TRAK1: variants seen among roughly 807,000 people sequenced by gnomAD.
The protein encoded by TRAK1 is trafficking kinesin-binding protein 1.
A neutral mutation model predicts 92.1 loss-of-function variants in TRAK1; 33 were observed. The observed-to-expected ratio is 0.36, with a 90% confidence interval of 0.27 to 0.48. The LOEUF (loss-of-function observed/expected upper bound fraction) is 0.48. Ranked by LOEUF, TRAK1 falls within the 20% of genes least tolerant of loss-of-function variation. The pLI is 0.99. For synonymous variants in TRAK1, 521 were observed against 517.3 expected, an observed-to-expected ratio of 1.01 and a Z score of -0.10; for missense variants, 1,123 against 1,257.9, an observed-to-expected ratio of 0.89 and a Z score of 1.62.
At chr3:42,090,350 T>A (rs1447970644), upstream of TRAK1, among the ~76,000 whole-genome samples, 4 of 152,250 alleles carry the variant, frequency 2.6e-5, no homozygotes, top group Non-Finnish European at 5.9e-5. Context: ...TCACTTTCTT[T>A]GAATGTGACA....
chr3:42,214,380 G>A (rs2149523216), intron 14 of TRAK1, among the ~76,000 whole-genome samples: 1 of 152,336 alleles, frequency 6.6e-6, no homozygotes, highest in East Asian at 1.9e-4. Context: ...CCCTTCACCT[G>A]TTGGTGTCTG....
chr3:42,222,900 C>T (rs35387790), intron 15 of TRAK1, 42 bp from the exon 16 acceptor site: 19,345 of 1,581,178 alleles, frequency 0.012, 743 homozygotes, highest in East Asian at 0.094. Context: ...CTCTGGAGCT[C>T]ATGGGCATTT....
At chr3:42,019,601 G>T (rs983291914) in intron 1 of TRAK1, among the ~76,000 whole-genome samples, 1 of 152,074 alleles carries the variant, frequency 6.6e-6, no homozygotes, top group Admixed American at 6.6e-5. Flanking sequence ...CGTGTGCTGT[G>T]GGTCTGGATT....
At chr3:42,098,113 T>C (rs1706212166) in intron 1 of TRAK1, among the ~76,000 whole-genome samples, 1 of 151,786 alleles carries the variant, frequency 6.6e-6, no homozygotes. Context: ...CACCCTGATA[T>C]CTGTCCTTCC....
intron 1 of TRAK1, among the ~76,000 whole-genome samples, chr3:42,104,862 A>C (rs967861595): frequency 3.3e-5 from 5 of 152,108 alleles, no homozygotes. Context: ...TGACGAGTTG[A>C]GAGAAGAGGG....
rs374531723 is a variant in TRAK1 at position 42,176,185 on chromosome 3, C to CTGTG, written c.287-616_287-613dup. Among the ~76,000 whole-genome samples the CTGTG allele has an allele frequency of 8.6e-5, 13 of 151,262 alleles. No homozygotes were observed. In the East Asian group the frequency reaches 2.3e-3, roughly 27 times the overall value. ...ATTGTACATGTAATGAAATATTACT[C>CTGTG]TGTGTGTGTGTGTGTGCAATCATAG... is the stretch of plus-strand genomic sequence containing the variant. On this transcript the variant is annotated intron_variant, in intron 2 of 15. Transcript: ENST00000327628.
upstream of TRAK1, among the ~76,000 whole-genome samples, chr3:42,013,516 G>A (rs1258590289): frequency 1.3e-5 from 2 of 151,570 alleles, no homozygotes; most frequent in African/African-American, 4.8e-5. This position sits in a 1 kb window ranked among gnomAD's most constrained non-coding sequence, Gnocchi z 5.1. Flanking sequence ...ACTAGGACGT[G>A]GCCGGCGGGC....
At chr3:42,069,140 A>G (rs960114593) in intron 1 of TRAK1, among the ~76,000 whole-genome samples, 2 of 152,034 alleles carry the variant, frequency 1.3e-5, no homozygotes, top group Non-Finnish European at 2.9e-5. Flanking sequence ...AGTTTGAACA[A>G]CATAGTGAGA....
At position 42,111,086 on chromosome 3, in the gene TRAK1, G is replaced by C. The variant is rs1387212735; in HGVS notation, c.92-14334G>C. Among the ~76,000 whole-genome samples, 6 of 152,274 alleles carry C rather than the reference G, an allele frequency of 3.9e-5. 1 individual carries two copies. Among genetic ancestry groups the C allele is most frequent in the African/African-American group, 1.4e-4 (6 of 41,546 alleles). ...TAGGGAGGTGGCCCTGAAGAAGTCA[G>C]TCCATCTGGGATCAGAGGGCAAAGG... On this transcript the variant is annotated intron_variant, in intron 1 of 15. Transcript: ENST00000327628.
chr3:42,117,932 G>T (rs555503635), intron 1 of TRAK1, among the ~76,000 whole-genome samples: 1 of 151,870 alleles, frequency 6.6e-6, no homozygotes, highest in Non-Finnish European at 1.5e-5. Flanking sequence ...CGATTCTCCC[G>T]CCTCAGCCTC....
intron 1 of TRAK1, among the ~76,000 whole-genome samples, chr3:42,044,530 A>AG (rs1702682016): frequency 1.3e-5 from 2 of 152,328 alleles, no homozygotes; most frequent in South Asian, 4.1e-4. Flanking sequence ...TCTGTTTAAG[A>AG]GGGCAACTTT....
chr3:42,210,257 A>T, intron 14 of TRAK1: 2 of 1,523,652 alleles, frequency 1.3e-6, no homozygotes, highest in Non-Finnish European at 1.8e-6. Context: ...TGTGTGGGTG[A>T]TGATTAAAGC....
At chr3:42,133,815 A>G (rs1438547040) in intron 2 of TRAK1, among the ~76,000 whole-genome samples, 8 of 152,202 alleles carry the variant, frequency 5.3e-5, no homozygotes, top group Non-Finnish European at 1.2e-4. Flanking sequence ...AATTTTTCAA[A>G]TATATTACAA....
rs1701408129 is a variant in TRAK1, at chr3:42,013,968, G to A, written c.-668G>A. 6.6e-6 allele frequency: 1 copy of A among 150,728 alleles called. No homozygotes were observed. Among genetic ancestry groups the A allele is most frequent in the South Asian group, 2.1e-4 (1 of 4,830 alleles). 9.3% of individuals were successfully genotyped at this position (150,728 alleles called of 1,614,324 possible). A position where few individuals can be genotyped will look rare whatever the true frequency, so the allele number is the denominator to read the frequency against. On this transcript the variant is annotated 5_prime_UTR_variant, in exon 1 of 17. Coordinates refer to the TRAK1 transcript ENST00000487159. The surrounding 1 kb of genome is among the most constrained non-coding windows in gnomAD (Gnocchi z 5.1). ...CGGCGCCAGAGCGGAGCCCCCGCGA[G>A]TGCCCCCGTGCCGCCCGGCCGGCTG...
At chr3:42,181,179 C>T (rs1301376689) in intron 3 of TRAK1, among the ~76,000 whole-genome samples, 1 of 152,236 alleles carries the variant, frequency 6.6e-6, no homozygotes, top group African/African-American at 2.4e-5. Context: ...CTGGCAGTCC[C>T]TTGCCATGCC....
intron 1 of TRAK1, among the ~76,000 whole-genome samples, chr3:42,064,220 A>G: frequency 6.6e-6 from 1 of 152,268 alleles, no homozygotes; most frequent in African/African-American, 2.4e-5. Context: ...ATCCCAGCAC[A>G]TTTCAAGCCT....
chr3:42,094,314 G>C (rs1406681843), intron 1 of TRAK1, among the ~76,000 whole-genome samples: 1 of 152,190 alleles, frequency 6.6e-6, no homozygotes, highest in Non-Finnish European at 1.5e-5. Flanking sequence ...ACTGAGCCCT[G>C]ATCTCTCATA....
intron 2 of TRAK1, among the ~76,000 whole-genome samples, chr3:42,171,973 C>G (rs577181726): frequency 1.3e-5 from 2 of 152,340 alleles, no homozygotes; most frequent in Admixed American, 1.3e-4. Context: ...TCCATCCCCC[C>G]TCTCCGTCCC....
chr3:42,125,555 C>T lies in TRAK1; in HGVS notation c.227C>T (p.Ser76Phe), dbSNP rs1218020781. The part of the protein sequence containing the change: ...HDDWLHTPLI[S>F]PDANIDLTTE... ...GACTGGCTCCATACACCTCTCATTT[C>T]TCCAGATGCCAACATTGACCTCACA... The change falls in exon 2 of 16, where the codon TCT (serine) becomes TTT (phenylalanine). Residue 76 changes from serine (S) to phenylalanine (F), a missense_variant. By Grantham distance (155) the Ser-to-Phe change is radical (BLOSUM62 -2). This residue lies in a region of TRAK1 where 686 missense variants were observed against 747.6 expected (regional missense o/e 0.92). Coordinates refer to ENST00000327628, the MANE Select transcript of TRAK1 (RefSeq NM_001042646.3). 6.2e-7 allele frequency: 1 copy of T among 1,614,224 alleles called. No homozygotes were observed. Among genetic ancestry groups the T allele is most frequent in the East Asian group, 2.2e-5 (1 of 44,892 alleles).
Sources: gnomAD v4.1 joint callset for allele counts (sites outside exome capture counted in the v4.1 genomes callset) on GRCh38, gnomAD v4.1.1 for gene constraint, gnomAD v4.1.1 regional missense constraint, Gnocchi (gnomAD v3.1) non-coding constraint, MANE v1.5 for transcripts, NCBI Gene and HGNC (gene_info 2026-07-23, HGNC 2026-07-21) for gene names.